Variants in FAAH2 observed in about 807,000 individuals in gnomAD.
FAAH2 encodes the protein fatty acid amide hydrolase 2.
Under a neutral mutation model 36.9 loss-of-function variants are expected in FAAH2, and 60 were observed. The observed-to-expected ratio is 1.63, with a 90% confidence interval of 1.32 to 2.02. FAAH2 has a LOEUF of 2.02. FAAH2 is among the 30% of genes most tolerant of loss of function. FAAH2 has a pLI of 0.00. For synonymous variants in FAAH2, 214 were observed against 143.8 expected (o/e 1.49, Z -3.49); for missense variants, 689 against 397.5 (o/e 1.73, Z -6.23).
chrX:57,240,429 G>A, the FAAH2 span, among the ~76,000 whole-genome samples: 3 of 111,666 alleles, frequency 2.7e-5, no homozygotes, highest in Non-Finnish European at 3.8e-5. Flanking sequence ...CTGTCTGGTG[G>A]CAACAATACT....
chrX:57,374,969 G>A (rs965706643), intron 5 of FAAH2, among the ~76,000 whole-genome samples: 2 of 111,494 alleles, frequency 1.8e-5, no homozygotes, highest in Non-Finnish European at 1.9e-5. Flanking sequence ...AGAAGATCAT[G>A]CGATTTTTGT....
chrX:57,433,766 C>T (rs1278756935), intron 8 of FAAH2, among the ~76,000 whole-genome samples: 3 of 112,162 alleles, frequency 2.7e-5, no homozygotes, highest in Non-Finnish European at 5.6e-5. Flanking sequence ...GTTTCTTGTG[C>T]ATTTGCACTA....
intron 5 of FAAH2, among the ~76,000 whole-genome samples, chrX:57,364,902 C>T (rs963557637): frequency 1.8e-5 from 2 of 111,483 alleles, no homozygotes; most frequent in Non-Finnish European, 3.8e-5. Flanking sequence ...TTTTATTGCA[C>T]TGTGGTCTAT....
At chrX:57,380,783 T>A (rs2054823327) in intron 6 of FAAH2, 129 bp from the exon 7 acceptor site, 2 of 413,713 alleles carry the variant, frequency 4.8e-6, no homozygotes, top group East Asian at 8.0e-5. Context: ...AAAGGTATAA[T>A]ACTGTTTCTG....
At chrX:57,374,922 A>G (rs1298202427) in intron 5 of FAAH2, among the ~76,000 whole-genome samples, 1 of 111,595 alleles carries the variant, frequency 9.0e-6, no homozygotes, top group Non-Finnish European at 1.9e-5. Context: ...TCATGAATGG[A>G]TGCTGAATTT....
chrX:57,161,557 A>G, the FAAH2 span, among the ~76,000 whole-genome samples: 6 of 111,690 alleles, frequency 5.4e-5, no homozygotes, highest in African/African-American at 1.6e-4. Flanking sequence ...TATTGGGTGC[A>G]TATGTATTTA....
At chrX:57,202,575 G>T in the FAAH2 span, among the ~76,000 whole-genome samples, 1 of 111,813 alleles carries the variant, frequency 8.9e-6, no homozygotes, top group African/African-American at 3.3e-5. Flanking sequence ...GGACTGCATG[G>T]GGACAGAACT....
chrX:57,393,164 GT>G, intron 7 of FAAH2: 1 of 1,141,938 alleles, frequency 8.8e-7, no homozygotes, highest in Non-Finnish European at 1.2e-6. Flanking sequence ...CTCTGTATCT[GT>G]CTTGAATGCA....
intron 2 of FAAH2, among the ~76,000 whole-genome samples, chrX:57,302,840 C>T (rs999023944): frequency 9.0e-6 from 1 of 111,278 alleles, no homozygotes; most frequent in East Asian, 2.8e-4. Context: ...AGGCCTCATC[C>T]TGTTTGTCTC....
At chrX:57,426,309 G>A (rs1206877143) in intron 7 of FAAH2, among the ~76,000 whole-genome samples, 1 of 111,738 alleles carries the variant, frequency 8.9e-6, no homozygotes, top group Non-Finnish European at 1.9e-5. Flanking sequence ...TACAATAATA[G>A]CTGGAGACTT....
chrX:57,121,766 T>TTGGTTCCC, the FAAH2 span: 2 of 112,306 alleles, frequency 1.8e-5, no homozygotes, highest in East Asian at 5.7e-4. Context: ...TCAGGGCCAC[T>TTGGTTCCC]TGGTTCCCAC....
the FAAH2 span, among the ~76,000 whole-genome samples, chrX:57,214,995 A>G: frequency 9.0e-6 from 1 of 110,679 alleles, no homozygotes; most frequent in Admixed American, 9.7e-5. Context: ...TGTACAGCAA[A>G]AGAAACTAAC....
At chrX:57,199,657 T>C in the FAAH2 span, among the ~76,000 whole-genome samples, 7 of 111,841 alleles carry the variant, frequency 6.3e-5, no homozygotes, top group Non-Finnish European at 1.3e-4. Flanking sequence ...CTGGAAGATC[T>C]GTCCAATGCA....
chrX:57,337,385 A>AT (rs1398372926), intron 4 of FAAH2, among the ~76,000 whole-genome samples: 5 of 111,010 alleles, frequency 4.5e-5, no homozygotes, highest in Non-Finnish European at 7.6e-5. Context: ...AAAAAGAGGG[A>AT]TTTTTTTCTA....
intron 5 of FAAH2, among the ~76,000 whole-genome samples, chrX:57,373,069 G>T (rs2054591516): frequency 9.0e-6 from 1 of 111,361 alleles, no homozygotes; most frequent in African/African-American, 3.3e-5. Context: ...CCTCTTTATG[G>T]CTGAGTAGTA....
At position 57,310,668 on chromosome X, in the gene FAAH2, G is replaced by A. The variant is rs1312583392; in HGVS notation, c.351G>A (p.Leu117=). 2 of 1,209,409 alleles carry A rather than the reference G, an allele frequency of 1.7e-6. No homozygotes were observed. The highest frequency in any genetic ancestry group is 1.8e-5 in the South Asian group (1 of 56,466). Residue 117 remains leucine, a synonymous_variant, in exon 3 of 11, where the codon CTG becomes CTA. Transcript: ENST00000374900. The part of the protein sequence containing the change: ...LAEKQEDEAT[L]ENKWPFLGVP... ...AGAAGCAGGAAGATGAAGCCACCCT[G>A]GAAAATAAATGGCCCTTCCTTGGGG...
chrX:57,222,878 C>A, the FAAH2 span, among the ~76,000 whole-genome samples: 1 of 111,462 alleles, frequency 9.0e-6, no homozygotes, highest in East Asian at 2.8e-4. Flanking sequence ...CTCCTTCCTA[C>A]ATCAAGGACG....
the FAAH2 span, among the ~76,000 whole-genome samples, chrX:57,209,405 C>T: frequency 9.0e-6 from 1 of 111,488 alleles, no homozygotes; most frequent in African/African-American, 3.3e-5. Flanking sequence ...TTTAATTCTG[C>T]CAGGACTGCA....
intron 5 of FAAH2, among the ~76,000 whole-genome samples, chrX:57,370,506 C>A (rs916899149): frequency 1.8e-5 from 2 of 111,488 alleles, no homozygotes; most frequent in Non-Finnish European, 3.8e-5. Flanking sequence ...GGAGAGGTAG[C>A]CTGCCATATA....
Sources: gnomAD v4.1 joint callset for allele counts (sites outside exome capture counted in the v4.1 genomes callset) on GRCh38, gnomAD v4.1.1 for gene constraint, MANE v1.5 for transcripts, NCBI Gene and HGNC (gene_info 2026-07-23, HGNC 2026-07-21) for gene names.